Variants in GALNTL6 observed in about 807,000 individuals in gnomAD.
The protein encoded by GALNTL6 is polypeptide N-acetylgalactosaminyltransferase like 6.
A neutral mutation model predicts 73.7 loss-of-function variants in GALNTL6; 46 were observed. The ratio of observed to expected loss-of-function variants is 0.62; its 90% CI spans 0.49 to 0.80. GALNTL6 has a LOEUF of 0.80. GALNTL6 is among the 30% of genes least tolerant of loss of function. The probability of loss-of-function intolerance (pLI) is 0.00; values close to 1 mark genes in which losing one functional copy is unlikely to be tolerated. For missense variants in GALNTL6, 604 were observed against 755.0 expected (o/e 0.80, Z 2.34); for synonymous variants, 259 against 263.7 (o/e 0.98, Z 0.17).
intron 3 of GALNTL6, among the ~76,000 whole-genome samples, chr4:172,259,841 A>G (rs982643915): frequency 1.3e-5 from 2 of 151,436 alleles, no homozygotes; most frequent in Admixed American, 6.6e-5. Flanking sequence ...GCCAATTATC[A>G]CAGCACCATT....
chr4:172,272,417 C>T (rs1255355853), intron 3 of GALNTL6, among the ~76,000 whole-genome samples: 1 of 152,190 alleles, frequency 6.6e-6, no homozygotes, highest in Non-Finnish European at 1.5e-5. Flanking sequence ...CACTACACAC[C>T]TAGGCCATAC....
chr4:171,874,257 C>G (rs1736215799), intron 2 of GALNTL6, among the ~76,000 whole-genome samples: 1 of 152,152 alleles, frequency 6.6e-6, no homozygotes, highest in African/African-American at 2.4e-5. Context: ...GGCTGGAGGG[C>G]AGTGGTGCAA....
At chr4:172,083,212 T>C (rs549675360) in intron 2 of GALNTL6, among the ~76,000 whole-genome samples, 57 of 152,324 alleles carry the variant, frequency 3.7e-4, no homozygotes, top group Middle Eastern at 3.4e-3. Flanking sequence ...TTCTCTTGCT[T>C]TATCTGAATT....
At chr4:172,210,175 T>C (rs1280983378) in intron 2 of GALNTL6, among the ~76,000 whole-genome samples, 1 of 152,084 alleles carries the variant, frequency 6.6e-6, no homozygotes, top group African/African-American at 2.4e-5. Context: ...TAAGACACCT[T>C]ATTTTTATCA....
intron 8 of GALNTL6, among the ~76,000 whole-genome samples, chr4:172,892,886 A>G (rs898808499): frequency 7.9e-5 from 12 of 152,156 alleles, no homozygotes; most frequent in Admixed American, 3.9e-4. Context: ...CATCACCAGG[A>G]AATCCACAAT....
intron 5 of GALNTL6, among the ~76,000 whole-genome samples, chr4:172,393,734 G>A (rs1334679046): frequency 6.6e-6 from 1 of 152,046 alleles, no homozygotes; most frequent in Non-Finnish European, 1.5e-5. Flanking sequence ...TCTGACTACT[G>A]GGCTTTATGT....
At chr4:172,469,235 A>C (rs1236218571) in intron 5 of GALNTL6, among the ~76,000 whole-genome samples, 1 of 152,188 alleles carries the variant, frequency 6.6e-6, no homozygotes, top group Non-Finnish European at 1.5e-5. Flanking sequence ...GAAAATATGC[A>C]TGGATATAGA....
At position 172,040,378 on chromosome 4, in the gene GALNTL6, GT is replaced by G. The variant is rs1426538805; in HGVS notation, c.139-189271del. 5.9e-5 allele frequency among the ~76,000 whole-genome samples: 9 copies of G among 151,866 alleles called. No homozygotes were observed. The East Asian group carries it at 1.2e-3, about 20-fold the overall frequency. ...TCTTTTGTAATATGCAAAGAACTTT[GT>G]TTTTTTATGCCACTTTTATGCTTTT... On this transcript the variant is annotated intron_variant, in intron 2 of 12. Coordinates refer to ENST00000506823, the MANE Select transcript of GALNTL6 (RefSeq NM_001034845.3).
At chr4:172,347,840 A>G (rs997884913) in intron 4 of GALNTL6, among the ~76,000 whole-genome samples, 1 of 152,216 alleles carries the variant, frequency 6.6e-6, no homozygotes, top group African/African-American at 2.4e-5. Context: ...ATAAAGGAAT[A>G]CAATTTTAAA....
chr4:171,856,803 T>A (rs1735705594), intron 2 of GALNTL6, among the ~76,000 whole-genome samples: 1 of 152,254 alleles, frequency 6.6e-6, no homozygotes, highest in Admixed American at 6.5e-5. Flanking sequence ...TATAGAATAA[T>A]CTATTGTCAA....
intron 2 of GALNTL6, among the ~76,000 whole-genome samples, chr4:172,223,333 T>C (rs936907590): frequency 1.3e-5 from 2 of 152,094 alleles, no homozygotes; most frequent in African/African-American, 4.8e-5. Flanking sequence ...TTTGTACATA[T>C]ATGAAAATGC....
At chr4:172,299,288 A>G (rs1419411792) in intron 3 of GALNTL6, among the ~76,000 whole-genome samples, 1 of 152,128 alleles carries the variant, frequency 6.6e-6, no homozygotes, top group Non-Finnish European at 1.5e-5. Context: ...CTAGTGGTCT[A>G]TCAATGTTGT....
chr4:171,954,012 T>C (rs1011295222), intron 2 of GALNTL6, among the ~76,000 whole-genome samples: 5 of 152,176 alleles, frequency 3.3e-5, no homozygotes, highest in South Asian at 2.1e-4. Flanking sequence ...TCTAGTAAGG[T>C]TGATGTGCAA....
chr4:172,584,142 A>T (rs1247097490), intron 5 of GALNTL6, among the ~76,000 whole-genome samples: 2 of 152,120 alleles, frequency 1.3e-5, no homozygotes, highest in Non-Finnish European at 2.9e-5. Context: ...GCAAAAAAAA[A>T]AATGGAGAGT....
intron 10 of GALNTL6, among the ~76,000 whole-genome samples, chr4:172,957,633 G>T (rs138505201): frequency 6.6e-6 from 1 of 152,168 alleles, no homozygotes; most frequent in African/African-American, 2.4e-5. Flanking sequence ...TTTGAGAAGC[G>T]TTTTTATTAA....
intron 5 of GALNTL6, among the ~76,000 whole-genome samples, chr4:172,522,056 T>A (rs1265817340): frequency 2.0e-5 from 3 of 152,180 alleles, no homozygotes; most frequent in Non-Finnish European, 4.4e-5. Context: ...ATATAAGCAG[T>A]TGGACTCAAT....
intron 8 of GALNTL6, among the ~76,000 whole-genome samples, chr4:172,897,572 G>A (rs1273829286): frequency 1.3e-5 from 2 of 152,120 alleles, no homozygotes; most frequent in African/African-American, 4.8e-5. Context: ...AGAAAAATGG[G>A]GCTATAACCA....
chr4:172,264,488 T>G (rs1738365955), intron 3 of GALNTL6, among the ~76,000 whole-genome samples: 2 of 136,170 alleles, frequency 1.5e-5, no homozygotes, highest in Non-Finnish European at 3.2e-5. Flanking sequence ...ATATATATAT[T>G]TATACTTATA....
rs1547903 is a variant in GALNTL6 at position 172,749,495 on chromosome 4, T to A, written c.554-59866T>A. Among the ~76,000 whole-genome samples the A allele has an allele frequency of 9.7e-3, 1,481 of 152,276 alleles. 8 individuals are homozygous for A. The highest frequency in any genetic ancestry group is 0.015 in the Non-Finnish European group (1,042 of 68,002). On this transcript the variant is annotated intron_variant, in intron 5 of 12. Coordinates refer to ENST00000506823, the MANE Select transcript of GALNTL6 (RefSeq NM_001034845.3). ...AAATTACTAAGTTTTTATATGAGAA[T>A]GTATTTCTGAGCATTCAATTTGGTT...
Sources: allele counts gnomAD v4.1 joint callset (sites outside exome capture counted in the v4.1 genomes callset), GRCh38; gene constraint gnomAD v4.1.1; transcripts MANE v1.5; gene names NCBI Gene and HGNC (gene_info 2026-07-23, HGNC 2026-07-21).